Variants in FER observed in about 807,000 individuals in gnomAD.
The protein encoded by FER is FER tyrosine kinase, also known as tyrosine-protein kinase Fer.
Under a neutral mutation model 111.0 loss-of-function variants are expected in FER, and 63 were observed. The ratio of observed to expected loss-of-function variants is 0.57; its 90% CI spans 0.46 to 0.70. The LOEUF is 0.70. FER is among the 30% of genes least tolerant of loss of function. FER has a pLI of 0.00. For synonymous variants in FER, 327 were observed against 313.9 expected, an observed-to-expected ratio of 1.04 and a Z score of -0.44; for missense variants, 914 against 954.0, an observed-to-expected ratio of 0.96 and a Z score of 0.55.
intron 16 of FER, among the ~76,000 whole-genome samples, chr5:109,048,480 T>C (rs1403977198): frequency 1.3e-5 from 2 of 152,200 alleles, no homozygotes; most frequent in African/African-American, 4.8e-5. Context: ...GGAAAGGTGA[T>C]TCTGGTCTTA....
chr5:109,003,537 AGCAC>A (rs1765093937), intron 13 of FER, among the ~76,000 whole-genome samples: 2 of 152,210 alleles, frequency 1.3e-5, no homozygotes, highest in Non-Finnish European at 2.9e-5. Context: ...TTATGAGTGC[AGCAC>A]ACCAGCATGG....
intron 16 of FER, chr5:109,051,415 G>A: frequency 6.2e-7 from 1 of 1,612,756 alleles, no homozygotes; most frequent in South Asian, 1.1e-5. Context: ...TTCATGTCCA[G>A]CAGCTAGTTT....
intron 3 of FER, among the ~76,000 whole-genome samples, chr5:108,809,705 A>T (rs565085059): frequency 3.3e-5 from 5 of 152,128 alleles, no homozygotes; most frequent in Admixed American, 6.6e-5. Flanking sequence ...TGGGACTACA[A>T]GTGTGGACCA....
chr5:108,932,180 C>A (rs1381351371), intron 10 of FER, among the ~76,000 whole-genome samples: 1 of 152,126 alleles, frequency 6.6e-6, no homozygotes, highest in Non-Finnish European at 1.5e-5. Context: ...TAGCCCCCTA[C>A]CCCCTGACAG....
At chr5:108,848,569 T>C (rs111502639) in intron 5 of FER, among the ~76,000 whole-genome samples, 82 of 152,268 alleles carry the variant, frequency 5.4e-4, no homozygotes, top group African/African-American at 1.5e-3. Flanking sequence ...GTATATAGTA[T>C]GGGAATCTTA....
intron 2 of FER, 46 bp from the exon 3 acceptor site, chr5:108,798,078 A>AT: frequency 1.3e-6 from 1 of 758,532 alleles, no homozygotes. Context: ...TTGAAGACTA[A>AT]TTTCCTTTTT....
intron 9 of FER, among the ~76,000 whole-genome samples, chr5:108,891,984 A>G (rs575716900): frequency 6.6e-6 from 1 of 152,260 alleles, no homozygotes; most frequent in South Asian, 2.1e-4. Flanking sequence ...GTCCCTACAA[A>G]GGACATGAAC....
At chr5:108,879,076 G>C (rs920165270) in intron 8 of FER, among the ~76,000 whole-genome samples, 1 of 152,024 alleles carries the variant, frequency 6.6e-6, no homozygotes, top group Non-Finnish European at 1.5e-5. Flanking sequence ...TATTTATAAA[G>C]TGCTTAAAAC....
At chr5:109,057,656 C>T (rs1022322370) in intron 16 of FER, among the ~76,000 whole-genome samples, 8 of 152,068 alleles carry the variant, frequency 5.3e-5, no homozygotes, top group Admixed American at 6.6e-5. Context: ...CTTAAAGATA[C>T]GAACTACCTA....
chr5:108,892,637 A>AG (rs1379442762), intron 9 of FER, among the ~76,000 whole-genome samples: 1 of 152,016 alleles, frequency 6.6e-6, no homozygotes, highest in East Asian at 1.9e-4. Flanking sequence ...CTCTGATGGT[A>AG]GTTTCTTTTG....
At chr5:109,085,894 C>G (rs1777510907) in intron 16 of FER, among the ~76,000 whole-genome samples, 1 of 151,586 alleles carries the variant, frequency 6.6e-6, no homozygotes, top group African/African-American at 2.4e-5. Context: ...GGGATAAAAC[C>G]TACTTCATCA....
intron 17 of FER, among the ~76,000 whole-genome samples, chr5:109,148,286 G>T (rs1363925329): frequency 6.6e-6 from 1 of 152,014 alleles, no homozygotes. Context: ...TTCTTTTGAG[G>T]CATCTTTATT....
At chr5:108,930,124 T>C (rs1211172866) in intron 10 of FER, among the ~76,000 whole-genome samples, 1 of 152,122 alleles carries the variant, frequency 6.6e-6, no homozygotes, top group African/African-American at 2.4e-5. Context: ...CAATTGCAGA[T>C]ATTAACACAT....
intron 9 of FER, among the ~76,000 whole-genome samples, chr5:108,884,228 ACT>A (rs1441864997): frequency 6.6e-6 from 1 of 151,804 alleles, no homozygotes; most frequent in Non-Finnish European, 1.5e-5. Flanking sequence ...ATTTATCAAG[ACT>A]CTCAAGGAAT....
chr5:108,885,186 C>A (rs1380466778), intron 9 of FER, among the ~76,000 whole-genome samples: 1 of 151,856 alleles, frequency 6.6e-6, no homozygotes, highest in African/African-American at 2.4e-5. Flanking sequence ...TAACCAATTG[C>A]CTACTTGACA....
At chr5:108,894,430 G>T in intron 9 of FER, 1 of 540,168 alleles carries the variant, frequency 1.9e-6, no homozygotes. Context: ...TGCATGTATC[G>T]GACCACTGAG....
At chr5:108,914,857 T>A (rs1055170683) in intron 10 of FER, among the ~76,000 whole-genome samples, 1 of 152,124 alleles carries the variant, frequency 6.6e-6, no homozygotes, top group Non-Finnish European at 1.5e-5. Context: ...TAGGAAAAAA[T>A]AATTTAGAAT....
intron 1 of FER, among the ~76,000 whole-genome samples, chr5:108,751,069 G>C (rs1750448292): frequency 6.6e-6 from 1 of 152,136 alleles, no homozygotes; most frequent in African/African-American, 2.4e-5. Flanking sequence ...GTGCATGCCT[G>C]TAATCCCAGC....
chr5:109,173,882 C>T lies in FER; in HGVS notation c.2049-6865C>T, dbSNP rs116388917. 8.7e-3 allele frequency among the ~76,000 whole-genome samples: 1,317 copies of T among 152,082 alleles called. 23 individuals carry two copies. The highest frequency in any genetic ancestry group is 0.03 in the African/African-American group (1,258 of 41,488). On this transcript the variant is annotated intron_variant, in intron 17 of 19. Coordinates refer to ENST00000281092, the MANE Select transcript of FER (RefSeq NM_005246.4). ...TCAAGAATAAGCAGTCATTTGCTCT[C>T]ACAATAAATATCTGTAGGGCATTGA...
Sources: gnomAD v4.1 joint callset for allele counts (sites outside exome capture counted in the v4.1 genomes callset) on GRCh38, gnomAD v4.1.1 for gene constraint, MANE v1.5 for transcripts, NCBI Gene and HGNC (gene_info 2026-07-23, HGNC 2026-07-21) for gene names.